The following BMPER variants were observed in gnomAD, a reference collection of about 807,000 sequenced individuals.
BMPER encodes the protein BMP-binding endothelial regulator protein.
A neutral mutation model predicts 87.3 loss-of-function variants in BMPER; 45 were observed. That is an observed-to-expected ratio of 0.52 (90% CI 0.41 to 0.66). BMPER has a LOEUF of 0.66. Among genes scored for constraint, BMPER ranks in the 30% least tolerant of loss-of-function variants. The probability of loss-of-function intolerance (pLI) is 0.00; values close to 1 mark genes in which losing one functional copy is unlikely to be tolerated. For synonymous variants in BMPER, 326 were observed against 316.2 expected, an observed-to-expected ratio of 1.03 and a Z score of -0.33; for missense variants, 784 against 867.5, an observed-to-expected ratio of 0.90 and a Z score of 1.21.
intron 13 of BMPER, among the ~76,000 whole-genome samples, chr7:34,090,287 G>A (rs755308266): frequency 1.3e-5 from 2 of 152,196 alleles, no homozygotes; most frequent in Admixed American, 6.5e-5. Context: ...TTAACGTGAA[G>A]TTGTTTAGAT....
Position 34,101,052 on chromosome 7 carries a change from A to G in BMPER, c.1745+14960A>G, listed in dbSNP as rs373599667. 2.6e-5 allele frequency among the ~76,000 whole-genome samples: 4 copies of G among 152,206 alleles called. No homozygotes were observed. In the East Asian group the frequency reaches 7.7e-4, roughly 29 times the overall value. On this transcript the variant is annotated intron_variant, in intron 13 of 14. Transcript: ENST00000649409. ...AATCTGCAAATTTGACAAGGTCCGGACATGATCTTTGTACACACTAAAGTT... is the reference window on the plus strand; with the variant it reads ...AATCTGCAAATTTGACAAGGTCCGGGCATGATCTTTGTACACACTAAAGTT...
intron 6 of BMPER, 64 bp downstream of exon 6, chr7:33,974,848 G>A: frequency 6.7e-7 from 1 of 1,486,900 alleles, no homozygotes; most frequent in Non-Finnish European, 9.4e-7. Flanking sequence ...TACTCACCAA[G>A]AGCACCCCCG....
chr7:34,116,004 A>G (rs544363145), intron 13 of BMPER, among the ~76,000 whole-genome samples: 25 of 152,280 alleles, frequency 1.6e-4, no homozygotes, highest in African/African-American at 5.3e-4. Context: ...AAGCCATCCT[A>G]GTGGGTATGA....
chr7:33,937,237 G>C (rs1784624627), intron 2 of BMPER, 52 bp from the exon 3 acceptor site: 1 of 1,573,660 alleles, frequency 6.4e-7, no homozygotes, highest in Admixed American at 1.7e-5. Flanking sequence ...TTAGGATTTG[G>C]GGAATTCTGT....
In BMPER at chr7:34,086,186, A is replaced by T. The variant is rs1789205040; in HGVS notation, c.1745+94A>T. 3.5e-6 allele frequency: 5 copies of T among 1,418,878 alleles called. No individual in the cohort carries two copies. In the South Asian group the frequency reaches 6.1e-5, roughly 17 times the overall value. 87.9% of individuals were successfully genotyped at this position (1,418,878 alleles called of 1,614,324 possible). A position where few individuals can be genotyped will look rare whatever the true frequency, so the allele number is the denominator to read the frequency against. On this transcript the variant is annotated intron_variant, in intron 13 of 14. Transcript: ENST00000649409. The stretch of plus-strand genomic sequence containing the variant: ...TGTATGAAATCTCTTGTTGTGCAGG[A>T]CAAAGGCTCAAAACCCAGGGTAGGC...
At chr7:34,030,626 G>T (rs1431846534) in intron 6 of BMPER, among the ~76,000 whole-genome samples, 1 of 149,242 alleles carries the variant, frequency 6.7e-6, no homozygotes, top group Non-Finnish European at 1.5e-5. Flanking sequence ...AAATTACATT[G>T]ATTTTTTTTT....
At chr7:33,952,617 A>G (rs766333294) in intron 3 of BMPER, among the ~76,000 whole-genome samples, 4 of 152,140 alleles carry the variant, frequency 2.6e-5, no homozygotes, top group Non-Finnish European at 4.4e-5. Context: ...AAGTATGTCC[A>G]TATATGTGAC....
chr7:33,925,902 C>T (rs148936829), intron 2 of BMPER, among the ~76,000 whole-genome samples: 3 of 152,266 alleles, frequency 2.0e-5, no homozygotes, highest in African/African-American at 4.8e-5. Context: ...CAGTGGGCCA[C>T]GTAGTGTCTA....
At chr7:34,030,237 A>G (rs917575497) in intron 6 of BMPER, among the ~76,000 whole-genome samples, 2 of 152,102 alleles carry the variant, frequency 1.3e-5, no homozygotes, top group Non-Finnish European at 2.9e-5. Flanking sequence ...GTCAGCAAGA[A>G]ATTTGCCTCA....
upstream of BMPER, chr7:33,905,445 G>GCCCC: frequency 4.0e-5 from 1 of 25,142 alleles, no homozygotes; most frequent in Non-Finnish European, 7.5e-5. Context: ...CTCTCCCCCC[G>GCCCC]CCCTCCCTCA....
intron 13 of BMPER, among the ~76,000 whole-genome samples, chr7:34,115,409 A>G (rs1790091845): frequency 6.6e-6 from 1 of 152,234 alleles, no homozygotes; most frequent in Non-Finnish European, 1.5e-5. Flanking sequence ...TTATTTTCAC[A>G]GCTATGTGCA....
At position 34,058,094 on chromosome 7, in the gene BMPER, C is replaced by T; in HGVS notation, c.963C>T (p.Ile321=). The T allele has an allele frequency of 1.9e-6, 3 of 1,614,188 alleles. No individual in the cohort carries two copies. Among genetic ancestry groups the T allele is most frequent in the East Asian group, 4.5e-5 (2 of 44,878 alleles). Residue 321 remains isoleucine, a synonymous_variant, in exon 10 of 15, where the codon ATC becomes ATT. Transcript: ENST00000649409. ...TGTGGTCCTCTATCAATTGTACCAT[C>T]TGTGCTTGTGTGAAAGGCAGGACGG... ...GEMWSSINCT[I]CACVKGRTEC... is the part of the protein sequence containing the mutation.
At chr7:33,995,198 A>G (rs1786370903) in intron 6 of BMPER, among the ~76,000 whole-genome samples, 1 of 152,162 alleles carries the variant, frequency 6.6e-6, no homozygotes, top group Non-Finnish European at 1.5e-5. Context: ...ATTGTATTAA[A>G]AAACTAAAAA....
At chr7:33,939,930 C>G (rs1449620799) in intron 3 of BMPER, 1 of 270,890 alleles carries the variant, frequency 3.7e-6, no homozygotes, top group African/African-American at 2.2e-5. Context: ...TTTGTTTTCT[C>G]TCTTTCTACC....
At chr7:34,101,323 G>A (rs959387017) in intron 13 of BMPER, among the ~76,000 whole-genome samples, 1 of 152,174 alleles carries the variant, frequency 6.6e-6, no homozygotes, top group Non-Finnish European at 1.5e-5. Flanking sequence ...AGGGAGCAAA[G>A]GCACACCAGT....
At chr7:34,136,838 G>C (rs1310335525) in intron 13 of BMPER, among the ~76,000 whole-genome samples, 2 of 152,222 alleles carry the variant, frequency 1.3e-5, no homozygotes, top group Non-Finnish European at 2.9e-5. Flanking sequence ...GGTGGAGCTG[G>C]CACCTGTCAC....
intron 2 of BMPER, among the ~76,000 whole-genome samples, chr7:33,926,151 A>G (rs1388749115): frequency 1.3e-5 from 2 of 152,184 alleles, no homozygotes; most frequent in African/African-American, 2.4e-5. Flanking sequence ...TTCCCATCAA[A>G]ACCTGGCATA....
chr7:34,003,555 A>T (rs908459611), intron 6 of BMPER, among the ~76,000 whole-genome samples: 9 of 151,966 alleles, frequency 5.9e-5, no homozygotes, highest in African/African-American at 2.2e-4. Flanking sequence ...TATTTGATTA[A>T]TGTCCGCTTA....
At chr7:33,914,798 A>G (rs565701383) in intron 2 of BMPER, among the ~76,000 whole-genome samples, 1 of 152,204 alleles carries the variant, frequency 6.6e-6, no homozygotes, top group Non-Finnish European at 1.5e-5. Context: ...TGGAAAAATT[A>G]TAGAGGCAAG....
Sources: gnomAD v4.1 joint callset for allele counts (sites outside exome capture counted in the v4.1 genomes callset) on GRCh38, gnomAD v4.1.1 for gene constraint, MANE v1.5 for transcripts, NCBI Gene and HGNC (gene_info 2026-07-23, HGNC 2026-07-21) for gene names.